The following PTPRG variants were observed in gnomAD, a reference collection of about 807,000 sequenced individuals.
PTPRG encodes the protein receptor-type tyrosine-protein phosphatase gamma.
A neutral mutation model predicts 165.3 loss-of-function variants in PTPRG; 102 were observed. That is an observed-to-expected ratio of 0.62 (90% CI 0.53 to 0.73). PTPRG has a LOEUF of 0.73. Among genes scored for constraint, PTPRG ranks in the 30% least tolerant of loss-of-function variants. The probability of loss-of-function intolerance (pLI) is 0.00; values close to 1 mark genes in which losing one functional copy is unlikely to be tolerated. For missense variants in PTPRG, 1,866 were observed against 1,861.4 expected (o/e 1.00, Z -0.05); for synonymous variants, 675 against 669.5 (o/e 1.01, Z -0.13).
intron 2 of PTPRG, among the ~76,000 whole-genome samples, chr3:61,858,466 C>T (rs578221507): frequency 1.3e-5 from 2 of 152,252 alleles, no homozygotes; most frequent in East Asian, 3.9e-4. Context: ...AACAAACCTG[C>T]AATCAATATA....
intron 4 of PTPRG, among the ~76,000 whole-genome samples, chr3:62,007,524 G>A (rs2041325906): frequency 6.6e-6 from 1 of 152,186 alleles, no homozygotes. Flanking sequence ...CTCACCTCCT[G>A]TTACTGAGCT....
chr3:61,697,971 C>T (rs766942819), intron 1 of PTPRG, among the ~76,000 whole-genome samples: 9 of 152,120 alleles, frequency 5.9e-5, no homozygotes, highest in Non-Finnish European at 1.0e-4. Flanking sequence ...ATTTCCCCTG[C>T]GTTTATTCCC....
intron 1 of PTPRG, among the ~76,000 whole-genome samples, chr3:61,628,057 C>G (rs903645961): frequency 1.3e-5 from 2 of 152,180 alleles, no homozygotes; most frequent in Non-Finnish European, 2.9e-5. Flanking sequence ...GATTTATGGA[C>G]AGACAGATAT....
chr3:61,948,779 G>A (rs1344341925), intron 2 of PTPRG, among the ~76,000 whole-genome samples: 5 of 152,090 alleles, frequency 3.3e-5, no homozygotes, highest in Admixed American at 3.3e-4. Flanking sequence ...TGTTAATTGG[G>A]AGTGAGAGTT....
At chr3:61,721,159 C>A (rs1037336455) in intron 1 of PTPRG, among the ~76,000 whole-genome samples, 1 of 152,196 alleles carries the variant, frequency 6.6e-6, no homozygotes. Flanking sequence ...CTGTACATTT[C>A]TGTTTCTGGT....
At chr3:61,656,969 A>C (rs372023612) in intron 1 of PTPRG, among the ~76,000 whole-genome samples, 1 of 152,198 alleles carries the variant, frequency 6.6e-6, no homozygotes, top group African/African-American at 2.4e-5. Flanking sequence ...TCCCTTACAC[A>C]TCAAAAAGTT....
At chr3:62,046,703 A>T (rs1488083807) in intron 4 of PTPRG, among the ~76,000 whole-genome samples, 2 of 151,852 alleles carry the variant, frequency 1.3e-5, no homozygotes, top group African/African-American at 4.8e-5. Context: ...TGTATCACCT[A>T]CTCTTTGAAC....
At chr3:62,068,533 T>A (rs867323356) in intron 4 of PTPRG, among the ~76,000 whole-genome samples, 3 of 152,156 alleles carry the variant, frequency 2.0e-5, no homozygotes, top group Non-Finnish European at 4.4e-5. Context: ...TGGAGTGCAG[T>A]GATGCAATCA....
intron 2 of PTPRG, among the ~76,000 whole-genome samples, chr3:61,884,978 C>T (rs2037988457): frequency 6.6e-6 from 1 of 152,150 alleles, no homozygotes; most frequent in Admixed American, 6.5e-5. Context: ...TGTTCTCCTG[C>T]CCAGAGTCGC....
chr3:61,751,949 C>T (rs1477228219), intron 2 of PTPRG, among the ~76,000 whole-genome samples: 4 of 151,692 alleles, frequency 2.6e-5, no homozygotes, highest in East Asian at 3.9e-4. Context: ...GCCGAGATTG[C>T]GCCCACTGCA....
intron 26 of PTPRG, among the ~76,000 whole-genome samples, chr3:62,278,890 T>C (rs1702329067): frequency 1.3e-5 from 2 of 152,068 alleles, no homozygotes; most frequent in Non-Finnish European, 2.9e-5. Context: ...TATTTTGTTA[T>C]TGTCACTTAA....
Position 61,696,803 on chromosome 3 carries a change from C to T in PTPRG, c.86-52075C>T, listed in dbSNP as rs145583748. On this transcript the variant is annotated intron_variant, in intron 1 of 29. Transcript: ENST00000474889. ...CAAGGAGCTATGATAACTTACCATA[C>T]GTATTTTTCATGCTTCAATCTGGTG... Among the ~76,000 whole-genome samples, 768 of 152,276 alleles carry T rather than the reference C, an allele frequency of 5.0e-3. 8 individuals are homozygous for T. Among genetic ancestry groups the T allele is most frequent in the African/African-American group, 0.017 (715 of 41,556 alleles).
chr3:61,702,679 C>T (rs985201353), intron 1 of PTPRG, among the ~76,000 whole-genome samples: 2 of 152,134 alleles, frequency 1.3e-5, no homozygotes, highest in African/African-American at 4.8e-5. Flanking sequence ...GTCATTTTTC[C>T]CAACCCCCCA....
Position 61,804,692 on chromosome 3 carries a change from A to AAT in PTPRG, c.190+55711_190+55712insTA, listed in dbSNP as rs1553671999. Among the ~76,000 whole-genome samples, 875 of 151,712 alleles carry AAT rather than the reference A, an allele frequency of 5.8e-3. 9 individuals are homozygous for AAT. Among genetic ancestry groups the AAT allele is most frequent in the African/African-American group, 0.02 (807 of 41,182 alleles). ...TCTTTCTCTCTCCAAAAAAAAAAAA[A>AAT]AAATAAAATCTACCTTGATGTGTCA... On this transcript the variant is annotated intron_variant, in intron 2 of 29. Transcript: ENST00000474889.
At chr3:62,058,772 A>G (rs1418474167) in intron 4 of PTPRG, among the ~76,000 whole-genome samples, 1 of 152,184 alleles carries the variant, frequency 6.6e-6, no homozygotes, top group Non-Finnish European at 1.5e-5. Flanking sequence ...ATTCTGACCA[A>G]GGCAGTTGTT....
chr3:61,860,006 T>C lies in PTPRG; in HGVS notation c.190+111024T>C, dbSNP rs77717973. On this transcript the variant is annotated intron_variant, in intron 2 of 29. Transcript: ENST00000474889. Reference sequence around the variant, plus strand: ...ATTGTGATCAATAGAATATATCATGTATTAATTATATTTCCTTTATAATTT... The same window carrying C: ...ATTGTGATCAATAGAATATATCATGCATTAATTATATTTCCTTTATAATTT... 2.0e-4 allele frequency among the ~76,000 whole-genome samples: 31 copies of C among 152,322 alleles called. No homozygotes were observed. The East Asian group carries it at 6.0e-3, about 29-fold the overall frequency.
intron 8 of PTPRG, among the ~76,000 whole-genome samples, chr3:62,188,676 G>A (rs1369746118): frequency 2.0e-5 from 3 of 152,200 alleles, no homozygotes; most frequent in Non-Finnish European, 4.4e-5. Context: ...GCATCTGTAT[G>A]TGGGTGACAG....
chr3:62,073,381 C>G (rs1701272376), intron 4 of PTPRG, among the ~76,000 whole-genome samples: 1 of 152,072 alleles, frequency 6.6e-6, no homozygotes, highest in African/African-American at 2.4e-5. Flanking sequence ...GTGGAGAAGC[C>G]CAATAGATAG....
intron 4 of PTPRG, among the ~76,000 whole-genome samples, chr3:62,050,185 A>G (rs1700427071): frequency 6.6e-6 from 1 of 152,244 alleles, no homozygotes; most frequent in African/African-American, 2.4e-5. Context: ...AAATACAGTT[A>G]CACACCACAT....
Sources: allele counts gnomAD v4.1 joint callset (sites outside exome capture counted in the v4.1 genomes callset), GRCh38; gene constraint gnomAD v4.1.1; transcripts MANE v1.5; gene names NCBI Gene and HGNC (gene_info 2026-07-23, HGNC 2026-07-21).